Variants in BRWD3 observed in about 807,000 individuals in gnomAD.
BRWD3 encodes the protein bromodomain and WD repeat-containing protein 3.
Under a neutral mutation model 149.7 loss-of-function variants are expected in BRWD3, and 10 were observed. The observed-to-expected ratio is 0.07, with a 90% confidence interval of 0.04 to 0.11. The LOEUF is 0.11. Among genes scored for constraint, BRWD3 ranks in the 10% least tolerant of loss-of-function variants. The pLI is 1.00. For missense variants in BRWD3, 940 were observed against 1,373.2 expected (o/e 0.68, Z 4.99); for synonymous variants, 504 against 456.7 (o/e 1.10, Z -1.32).
intron 4 of BRWD3, among the ~76,000 whole-genome samples, chrX:80,802,160 G>T (rs1046065168): frequency 9.0e-6 from 1 of 111,215 alleles, no homozygotes; most frequent in Non-Finnish European, 1.9e-5. Flanking sequence ...AATATTAAGG[G>T]CCAGGAATGG....
intron 9 of BRWD3, 30 bp downstream of exon 9, chrX:80,735,958 C>A (rs757166724): frequency 9.6e-7 from 1 of 1,037,944 alleles, no homozygotes; most frequent in Non-Finnish European, 1.3e-6. Flanking sequence ...AATTAACATG[C>A]TTAATTTTTC....
At position 80,794,356 on chromosome X, in the gene BRWD3, A is replaced by AT. The variant is rs1271152434; in HGVS notation, c.181-585dup. Reference sequence around the variant, plus strand: ...CCCCATCTCTACAAAAAATACAAAAATTAGCTGGGTATGGTGGCTGCACCT... The same window carrying AT: ...CCCCATCTCTACAAAAAATACAAAAATTTAGCTGGGTATGGTGGCTGCACCT... On this transcript the variant is annotated intron_variant, in intron 4 of 40. Coordinates refer to ENST00000373275, the MANE Select transcript of BRWD3 (RefSeq NM_153252.5). Among the ~76,000 whole-genome samples the AT allele has an allele frequency of 2.8e-5, 3 of 107,956 alleles. No individual in the cohort carries two copies. In the East Asian group the frequency reaches 8.7e-4, roughly 31 times the overall value. 93.7% of individuals were successfully genotyped at this position (107,956 alleles called of 115,157 possible). A position where few individuals can be genotyped will look rare whatever the true frequency, so the allele number is the denominator to read the frequency against.
Position 80,693,037 on chromosome X carries a change from T to A in BRWD3, c.3166A>T (p.Ser1056Cys), listed in dbSNP as rs1208925377. The change falls in exon 28 of 41, where the codon AGT (serine) becomes TGT (cysteine). Residue 1056 changes from serine (S) to cysteine (C), a missense_variant. Physicochemically the swap from Ser to Cys is moderately radical, Grantham distance 112 (BLOSUM62 -1). Coordinates refer to ENST00000373275, the MANE Select transcript of BRWD3 (RefSeq NM_153252.5). ...AACCACCAGGCGTCATCTATTATAC[T>A]GCGGAATCTATCACCTATAATGTTT... ...RNWQIGDRFR[S>C]IIDDAWWFGT... is the part of the protein sequence containing the mutation. 8.3e-7 allele frequency: 1 copy of A among 1,203,296 alleles called. No homozygotes were observed. Among genetic ancestry groups the A allele is most frequent in the East Asian group, 3.0e-5 (1 of 33,798 alleles).
At chrX:80,693,598 G>C (rs1363825611) in intron 27 of BRWD3, among the ~76,000 whole-genome samples, 2 of 111,712 alleles carry the variant, frequency 1.8e-5, no homozygotes, top group African/African-American at 6.5e-5. Context: ...TTGGGAACTA[G>C]AGTAAAGGTC....
At chrX:80,761,960 A>T (rs181617054) in intron 6 of BRWD3, among the ~76,000 whole-genome samples, 2 of 111,686 alleles carry the variant, frequency 1.8e-5, no homozygotes, top group African/African-American at 6.5e-5. Flanking sequence ...ATTAGAAACA[A>T]TATTTCTACT....
At chrX:80,694,240 A>T (rs2072649547) in intron 27 of BRWD3, among the ~76,000 whole-genome samples, 4 of 111,813 alleles carry the variant, frequency 3.6e-5, no homozygotes, top group Admixed American at 2.8e-4. Context: ...AGAAGTCAAG[A>T]ATTGAGGTTT....
intron 6 of BRWD3, among the ~76,000 whole-genome samples, chrX:80,753,278 T>G (rs1208075177): frequency 9.2e-6 from 1 of 108,512 alleles, no homozygotes; most frequent in African/African-American, 3.4e-5. Flanking sequence ...TTCAGTTTTT[T>G]TTTTTTTTTT....
At chrX:80,726,034 A>T (rs2073229470) in intron 14 of BRWD3, among the ~76,000 whole-genome samples, 1 of 103,032 alleles carries the variant, frequency 9.7e-6, no homozygotes, top group Admixed American at 1.1e-4. Context: ...AACATATAAC[A>T]TGTTTACATG....
At chrX:80,779,315 C>CA (rs1056292657) in intron 6 of BRWD3, among the ~76,000 whole-genome samples, 5 of 103,272 alleles carry the variant, frequency 4.8e-5, no homozygotes, top group African/African-American at 1.4e-4. Flanking sequence ...AATTCTGTCT[C>CA]AAAAAAAAAA....
chrX:80,692,198 C>T (rs746548990), intron 28 of BRWD3, 48 bp from the exon 29 acceptor site: 2 of 1,069,159 alleles, frequency 1.9e-6, no homozygotes, highest in Non-Finnish European at 2.6e-6. Flanking sequence ...TATAGTACTT[C>T]CTTTCATATA....
At chrX:80,787,478 T>A (rs921083284) in intron 6 of BRWD3, among the ~76,000 whole-genome samples, 2 of 109,395 alleles carry the variant, frequency 1.8e-5, no homozygotes, top group Non-Finnish European at 3.8e-5. Context: ...CATACATACA[T>A]GGTTAAATGC....
chrX:80,733,624 C>T, intron 11 of BRWD3, 128 bp from the exon 12 acceptor site: 1 of 502,721 alleles, frequency 2.0e-6, no homozygotes, highest in East Asian at 3.8e-5. Flanking sequence ...TCAATGAAGC[C>T]CAAAACAATG....
chrX:80,689,759 G>T lies in BRWD3; in HGVS notation c.3807+9C>A. 2.5e-6 allele frequency: 3 copies of T among 1,181,095 alleles called. No individual in the cohort carries two copies. Among genetic ancestry groups the T allele is most frequent in the Non-Finnish European group, 3.4e-6 (3 of 869,790 alleles). On this transcript the variant is annotated intron_variant, in intron 33 of 40. Coordinates refer to ENST00000373275, the MANE Select transcript of BRWD3 (RefSeq NM_153252.5). ...AACTCATTCCTACTAATCATGCTGT[G>T]ATTCTTACCTCCTCTGCATCAGTAC...
intron 3 of BRWD3, 69 bp downstream of exon 3, chrX:80,808,944 C>A (rs2074380283): frequency 2.7e-6 from 3 of 1,111,718 alleles, no homozygotes; most frequent in African/African-American, 1.8e-5. Flanking sequence ...GTCTTCCGCC[C>A]CTGACTTGCC....
intron 6 of BRWD3, among the ~76,000 whole-genome samples, chrX:80,788,658 T>C (rs2074142411): frequency 8.9e-6 from 1 of 112,152 alleles, no homozygotes; most frequent in Non-Finnish European, 1.9e-5. Context: ...AGAAAGATAT[T>C]CATGCAAAGA....
chrX:80,779,438 T>A (rs903602337), intron 6 of BRWD3, among the ~76,000 whole-genome samples: 2 of 110,771 alleles, frequency 1.8e-5, no homozygotes, highest in Non-Finnish European at 3.8e-5. Flanking sequence ...CCAAAAACAC[T>A]GGAAAGTGGC....
intron 19 of BRWD3, 47 bp from the exon 20 acceptor site, chrX:80,716,297 C>A (rs1357140862): frequency 1.0e-6 from 1 of 981,852 alleles, no homozygotes; most frequent in Admixed American, 2.2e-5. Flanking sequence ...AAGAAGAAAA[C>A]CAATCATTTA....
At chrX:80,684,419 G>A (rs1050529764) in intron 36 of BRWD3, among the ~76,000 whole-genome samples, 8 of 111,869 alleles carry the variant, frequency 7.2e-5, no homozygotes, top group African/African-American at 2.3e-4. Flanking sequence ...ATCCATAGCC[G>A]TTGGCTTCAT....
intron 6 of BRWD3, among the ~76,000 whole-genome samples, chrX:80,789,025 T>G (rs1400062170): frequency 8.9e-6 from 1 of 112,085 alleles, no homozygotes; most frequent in African/African-American, 3.2e-5. Context: ...TCAAAACTTA[T>G]TGAACTGCAC....
Sources: allele counts gnomAD v4.1 joint callset (sites outside exome capture counted in the v4.1 genomes callset), GRCh38; gene constraint gnomAD v4.1.1; transcripts MANE v1.5; gene names NCBI Gene and HGNC (gene_info 2026-07-23, HGNC 2026-07-21).